The following TEC variants were observed in gnomAD, a reference collection of about 807,000 sequenced individuals.
TEC encodes tyrosine-protein kinase Tec.
A neutral mutation model predicts 93.0 loss-of-function variants in TEC; 72 were observed. The ratio of observed to expected loss-of-function variants is 0.77; its 90% CI spans 0.64 to 0.94. The LOEUF (loss-of-function observed/expected upper bound fraction) is 0.94, where lower values mean the gene tolerates loss of function less well. Ranked by LOEUF, TEC falls within the 40% of genes least tolerant of loss-of-function variation. The pLI is 0.00. For missense variants in TEC, 630 were observed against 757.9 expected (o/e 0.83, Z 1.98); for synonymous variants, 249 against 247.7 (o/e 1.01, Z -0.05).
intron 1 of TEC, among the ~76,000 whole-genome samples, chr4:48,247,055 G>A (rs1657181429): frequency 6.6e-6 from 1 of 152,070 alleles, no homozygotes; most frequent in Admixed American, 6.6e-5. Flanking sequence ...ACAAGAAAAA[G>A]ACAACCCAGT....
intron 1 of TEC, among the ~76,000 whole-genome samples, chr4:48,244,819 CA>C (rs1453793210): frequency 6.6e-5 from 10 of 152,096 alleles, no homozygotes; most frequent in African/African-American, 2.4e-5. Flanking sequence ...ACACACAGGA[CA>C]GAGAGATATC....
At position 48,150,941 on chromosome 4, in the gene TEC, T is replaced by A; in HGVS notation, c.794A>T (p.Asp265Val). 1 of 1,578,328 alleles carries A rather than the reference T, an allele frequency of 6.3e-7. No individual in the cohort carries two copies. Among genetic ancestry groups the A allele is most frequent in the Non-Finnish European group, 8.6e-7 (1 of 1,164,258 alleles). The change falls in exon 10 of 18, where the codon GAT becomes GTT. Residue 265 changes from aspartate (D) to valine (V), a missense_variant and splice_region_variant. Asp to Val is a radical substitution (Grantham distance 152). This residue lies in a region of TEC where 335 missense variants were observed against 351.5 expected (regional missense o/e 0.95). Coordinates refer to ENST00000381501, the MANE Select transcript of TEC (RefSeq NM_003215.3). ...CCTTACCATAAAACCACCTTCTTTA[T>A]CCTAAAATCCAAGTTCAGAAAAAAT... ...SKAEQLLRSE[D>V]KEGGFMVRDS...
chr4:48,257,108 T>C (rs1236462227), intron 1 of TEC, among the ~76,000 whole-genome samples: 1 of 152,230 alleles, frequency 6.6e-6, no homozygotes, highest in Non-Finnish European at 1.5e-5. Flanking sequence ...ACAAAAGATG[T>C]CCTGTACTGT....
chr4:48,151,884 C>G (rs1345259468), intron 9 of TEC, among the ~76,000 whole-genome samples: 2 of 152,232 alleles, frequency 1.3e-5, no homozygotes, highest in Non-Finnish European at 2.9e-5. Context: ...AAGGTCAAAT[C>G]TTTCTCAGCT....
At chr4:48,186,627 C>A (rs1721867992) in intron 2 of TEC, among the ~76,000 whole-genome samples, 1 of 151,972 alleles carries the variant, frequency 6.6e-6, no homozygotes, top group Non-Finnish European at 1.5e-5. Flanking sequence ...AGCAGCCGCC[C>A]CGTCTGGGAA....
At chr4:48,200,208 T>C (rs1184870969) in intron 2 of TEC, among the ~76,000 whole-genome samples, 1 of 148,678 alleles carries the variant, frequency 6.7e-6, no homozygotes, top group Non-Finnish European at 1.5e-5. Flanking sequence ...AGAAAGGACA[T>C]AGGTAATGTA....
intron 8 of TEC, among the ~76,000 whole-genome samples, chr4:48,159,013 C>A (rs1190785100): frequency 6.7e-6 from 1 of 150,248 alleles, no homozygotes; most frequent in African/African-American, 2.5e-5. Context: ...AACTCATGGT[C>A]GGGATTTTCT....
At position 48,186,853 on chromosome 4, in the gene TEC, T is replaced by TGG. The variant is rs534004218; in HGVS notation, c.139-10669_139-10668dup. Among the ~76,000 whole-genome samples the TGG allele has an allele frequency of 4.0e-4, 59 of 148,984 alleles. No individual in the cohort carries two copies. The East Asian group carries it at 0.011, about 29-fold the overall frequency. On this transcript the variant is annotated intron_variant, in intron 2 of 17. Coordinates refer to ENST00000381501, the MANE Select transcript of TEC (RefSeq NM_003215.3). ...CCCACCCACTGCCCCGTCTGGGAGG[T>TGG]GGGGGGCGCCTCTGCCCGGCCGCCC... is the stretch of plus-strand genomic sequence containing the variant.
chr4:48,234,989 C>T (rs1723746644), intron 1 of TEC, among the ~76,000 whole-genome samples: 1 of 151,874 alleles, frequency 6.6e-6, no homozygotes, highest in African/African-American at 2.4e-5. Context: ...GTAGCCTCTA[C>T]TCTGTAAAAT....
At chr4:48,179,330 C>T (rs1352778623) in intron 2 of TEC, among the ~76,000 whole-genome samples, 26 of 113,956 alleles carry the variant, frequency 2.3e-4, no homozygotes, top group African/African-American at 7.7e-4. Flanking sequence ...CATGTAATGA[C>T]GTGGGTAGTA....
At chr4:48,247,903 T>C (rs1377992088) in intron 1 of TEC, among the ~76,000 whole-genome samples, 1 of 152,188 alleles carries the variant, frequency 6.6e-6, no homozygotes, top group Non-Finnish European at 1.5e-5. Flanking sequence ...AAACAATACA[T>C]GTACAACATG....
intron 1 of TEC, among the ~76,000 whole-genome samples, chr4:48,235,224 C>T (rs1166448985): frequency 6.6e-6 from 1 of 152,102 alleles, no homozygotes; most frequent in Non-Finnish European, 1.5e-5. Context: ...TGGGGATCTA[C>T]CTGCTCCCTT....
chr4:48,168,072 C>T (rs1720946730), intron 6 of TEC, 119 bp from the exon 7 acceptor site: 1 of 842,628 alleles, frequency 1.2e-6, no homozygotes, highest in Admixed American at 2.7e-5. Flanking sequence ...AGTCTACTTA[C>T]TATAATCCAA....
intron 9 of TEC, among the ~76,000 whole-genome samples, chr4:48,156,251 C>T (rs994975148): frequency 2.6e-5 from 4 of 152,122 alleles, no homozygotes; most frequent in Admixed American, 2.0e-4. Flanking sequence ...GACCAGTGCT[C>T]GATCCCCACT....
At chr4:48,164,181 T>C (rs1288129571) in intron 7 of TEC, among the ~76,000 whole-genome samples, 1 of 152,190 alleles carries the variant, frequency 6.6e-6, no homozygotes, top group Non-Finnish European at 1.5e-5. Flanking sequence ...AAAGAAACCA[T>C]TACTTGAGAA....
chr4:48,178,382 G>A (rs1333281756), intron 2 of TEC, among the ~76,000 whole-genome samples: 1 of 152,098 alleles, frequency 6.6e-6, no homozygotes, highest in East Asian at 1.9e-4. Flanking sequence ...CTTTTACCCT[G>A]TCTCTAAGAG....
At position 48,138,696 on chromosome 4, in the gene TEC, A is replaced by C. The variant is rs771059101; in HGVS notation, c.1781T>G (p.Val594Gly). Reference protein sequence around the residue: ...LYQPKLASNYVYEVMLRCWQE... With the variant: ...LYQPKLASNYGYEVMLRCWQE... ...CCAACATCTCAGCATCACCTCATAC[A>C]CATAGTTGGACGCCAACTTCGGCTG... Residue 594 changes from valine (V) to glycine (G), a missense_variant, in exon 17 of 18, where the codon GTG becomes GGG. Coordinates refer to ENST00000381501, the MANE Select transcript of TEC (RefSeq NM_003215.3). 3.1e-6 allele frequency: 5 copies of C among 1,613,914 alleles called. No individual in the cohort carries two copies. Among genetic ancestry groups the C allele is most frequent in the Admixed American group, 1.7e-5 (1 of 59,962 alleles).
intron 9 of TEC, among the ~76,000 whole-genome samples, chr4:48,154,092 T>C (rs532183154): frequency 6.6e-6 from 1 of 152,360 alleles, no homozygotes; most frequent in South Asian, 2.1e-4. Flanking sequence ...AAATGAAAAC[T>C]ATCTGAAAGC....
chr4:48,139,435 A>C (rs1719569018), intron 15 of TEC, among the ~76,000 whole-genome samples: 1 of 152,238 alleles, frequency 6.6e-6, no homozygotes, highest in Non-Finnish European at 1.5e-5. Context: ...CTAGAAACAC[A>C]CAGGCTTTCA....
Sources: allele counts gnomAD v4.1 joint callset (sites outside exome capture counted in the v4.1 genomes callset), GRCh38; gene constraint gnomAD v4.1.1; regional missense constraint gnomAD v4.1.1; transcripts MANE v1.5; gene names NCBI Gene and HGNC (gene_info 2026-07-23, HGNC 2026-07-21).